PRKN: variants seen among roughly 807,000 people sequenced by gnomAD.
PRKN encodes the protein parkin RBR E3 ubiquitin protein ligase, also known as E3 ubiquitin-protein ligase parkin.
In PRKN, 56 loss-of-function variants were observed where a neutral mutation model predicts 59.5. The ratio of observed to expected loss-of-function variants is 0.94; its 90% CI spans 0.76 to 1.18. The LOEUF is 1.18. Among genes scored for constraint, PRKN ranks in the 50% most tolerant of loss-of-function variants. The pLI is 0.00. For missense variants in PRKN, 657 were observed against 596.4 expected, an observed-to-expected ratio of 1.10 and a Z score of -1.06; for synonymous variants, 250 against 222.1, an observed-to-expected ratio of 1.13 and a Z score of -1.12.
At chr6:161,778,126 C>T (rs968905890) in intron 7 of PRKN, among the ~76,000 whole-genome samples, 1 of 151,792 alleles carries the variant, frequency 6.6e-6, no homozygotes, top group East Asian at 1.9e-4. Context: ...CACAGAAGAT[C>T]CTGGAACAGT....
chr6:161,519,472 G>C (rs117262805), intron 9 of PRKN, among the ~76,000 whole-genome samples: 1 of 152,158 alleles, frequency 6.6e-6, no homozygotes, highest in African/African-American at 2.4e-5. Flanking sequence ...CCTCCAAAGC[G>C]TGGAGAGCTC....
chr6:161,568,873 T>C (rs1037558635), intron 8 of PRKN, among the ~76,000 whole-genome samples: 4 of 152,064 alleles, frequency 2.6e-5, no homozygotes. Context: ...AATAATCCAC[T>C]TCAAATGGTC....
intron 1 of PRKN, among the ~76,000 whole-genome samples, chr6:162,494,610 T>G (rs1792976528): frequency 6.6e-6 from 1 of 152,212 alleles, no homozygotes; most frequent in Non-Finnish European, 1.5e-5. Context: ...CAGACATATG[T>G]GGGTTGGAAC....
rs543787878 is a variant in PRKN, at chr6:161,378,148, G to C, written c.1167+8646C>G. Among the ~76,000 whole-genome samples, 1 of 152,152 alleles carries C rather than the reference G, an allele frequency of 6.6e-6. No homozygotes were observed. Reference sequence around the variant, plus strand: ...ACAAGGAGCTCTGCAGAGCAGGCACGTGGACAGACCCATGGGAGGGGCAGG... The same window carrying C: ...ACAAGGAGCTCTGCAGAGCAGGCACCTGGACAGACCCATGGGAGGGGCAGG... On this transcript the variant is annotated intron_variant, in intron 10 of 11. Transcript: ENST00000366898. The surrounding 1 kb of genome is among the most constrained non-coding windows in gnomAD (Gnocchi z 7.3).
intron 1 of PRKN, among the ~76,000 whole-genome samples, chr6:162,685,745 T>C (rs1779945579): frequency 6.6e-6 from 1 of 152,190 alleles, no homozygotes; most frequent in South Asian, 2.1e-4. Flanking sequence ...GATCCAGATA[T>C]ATGGACAACT....
chr6:161,350,524 TA>T (rs1784486596), intron 11 of PRKN, among the ~76,000 whole-genome samples: 1 of 147,470 alleles, frequency 6.8e-6, no homozygotes, highest in African/African-American at 2.5e-5. Context: ...GTTTCATAGA[TA>T]GGGGTCAATT....
chr6:161,401,748 A>G lies in PRKN; in HGVS notation c.1084-14871T>C, dbSNP rs985893891. ...CTTTCTAGGCTTGTGTCTCTCCATG[A>G]GATTCTCAGACAGCTGCATTTGGAT... On this transcript the variant is annotated intron_variant, in intron 9 of 11. Coordinates refer to ENST00000366898, the MANE Select transcript of PRKN (RefSeq NM_004562.3). This position sits in a 1 kb window ranked among gnomAD's most constrained non-coding sequence, Gnocchi z 4.4. Among the ~76,000 whole-genome samples the G allele has an allele frequency of 6.6e-6, 1 of 152,144 alleles. No individual in the cohort carries two copies. Among genetic ancestry groups the G allele is most frequent in the African/African-American group, 2.4e-5 (1 of 41,410 alleles).
At chr6:162,690,154 T>G (rs1777723348) in intron 1 of PRKN, among the ~76,000 whole-genome samples, 1 of 97,090 alleles carries the variant, frequency 1.0e-5, no homozygotes, top group Non-Finnish European at 2.2e-5. Context: ...CTCTGATTTC[T>G]GAATATCAGT....
intron 4 of PRKN, among the ~76,000 whole-genome samples, chr6:162,073,830 C>G (rs2128291585): frequency 6.6e-6 from 1 of 152,278 alleles, no homozygotes; most frequent in Non-Finnish European, 1.5e-5. Flanking sequence ...AAAAAGCAAG[C>G]ATTTCATAAT....
chr6:161,746,805 C>CACATATATCTATGTATATGTCT (rs1554299995), intron 7 of PRKN, among the ~76,000 whole-genome samples: 2,069 of 143,932 alleles, frequency 0.014, 53 homozygotes, highest in African/African-American at 0.054. Flanking sequence ...TATGCACAGA[C>CACATATATCTATGTATATGTCT]ATATATATCT....
chr6:162,210,374 A>T (rs1395955900), intron 3 of PRKN, among the ~76,000 whole-genome samples: 1 of 152,142 alleles, frequency 6.6e-6, no homozygotes, highest in African/African-American at 2.4e-5. Context: ...TGTTCAGCAC[A>T]TGTTGTTTAT....
intron 2 of PRKN, among the ~76,000 whole-genome samples, chr6:162,393,138 G>C (rs1423404001): frequency 7.9e-6 from 1 of 126,042 alleles, no homozygotes; most frequent in Non-Finnish European, 1.7e-5. Flanking sequence ...GTTGATACTG[G>C]GTGAGGATAG....
chr6:161,618,991 G>A (rs1357488689), intron 7 of PRKN, among the ~76,000 whole-genome samples: 6 of 152,142 alleles, frequency 3.9e-5, no homozygotes, highest in Non-Finnish European at 8.8e-5. Context: ...AGAAAAATGA[G>A]CCACAGTAGC....
chr6:161,381,470 G>T (rs1419838244), intron 10 of PRKN, among the ~76,000 whole-genome samples: 2 of 152,194 alleles, frequency 1.3e-5, no homozygotes, highest in East Asian at 3.8e-4. Context: ...ACGTGAAAGT[G>T]CTTTGTAATC....
At chr6:162,246,418 A>G (rs183987370) in intron 3 of PRKN, among the ~76,000 whole-genome samples, 9 of 152,270 alleles carry the variant, frequency 5.9e-5, no homozygotes, top group African/African-American at 2.2e-4. Context: ...ACCACAAAAA[A>G]TAGATTTTGG....
chr6:161,674,344 T>C (rs1278885564), intron 7 of PRKN, among the ~76,000 whole-genome samples: 4 of 152,074 alleles, frequency 2.6e-5, no homozygotes, highest in South Asian at 4.1e-4. Context: ...TTTAAATAAA[T>C]TGCTCTGTAA....
chr6:162,072,114 C>T (rs1003685291), intron 4 of PRKN, among the ~76,000 whole-genome samples: 87 of 152,126 alleles, frequency 5.7e-4, no homozygotes, highest in African/African-American at 2.1e-3. Flanking sequence ...GACTTTTGCA[C>T]GTCAGGAGGA....
At chr6:162,173,247 A>G (rs1222050074) in intron 4 of PRKN, among the ~76,000 whole-genome samples, 1 of 152,124 alleles carries the variant, frequency 6.6e-6, no homozygotes, top group East Asian at 1.9e-4. Context: ...GTCTTACTAC[A>G]GTCATTGCCC....
intron 7 of PRKN, among the ~76,000 whole-genome samples, chr6:161,642,358 G>A (rs1783775252): frequency 6.6e-6 from 1 of 152,144 alleles, no homozygotes. Context: ...GATATTTGAT[G>A]CCTTGCTTAT....
Sources: gnomAD v4.1 joint callset for allele counts (sites outside exome capture counted in the v4.1 genomes callset) on GRCh38, gnomAD v4.1.1 for gene constraint, Gnocchi (gnomAD v3.1) non-coding constraint, MANE v1.5 for transcripts, NCBI Gene and HGNC (gene_info 2026-07-23, HGNC 2026-07-21) for gene names.